The following REDIC1 variants were observed in gnomAD, a reference collection of about 807,000 sequenced individuals.
REDIC1 encodes the protein regulator of DNA class I crossover intermediates 1.
At chr12:39,637,106 T>C in the REDIC1 span, among the ~76,000 whole-genome samples, 1 of 151,846 alleles carries the variant, frequency 6.6e-6, no homozygotes, top group Admixed American at 6.6e-5. Flanking sequence ...CCCTCCCTTC[T>C]CTCCTTTAAC....
the REDIC1 span, among the ~76,000 whole-genome samples, chr12:39,884,442 G>A: frequency 6.6e-6 from 1 of 152,082 alleles, no homozygotes; most frequent in Admixed American, 6.6e-5. Context: ...CTACAAATAA[G>A]TCACAGTAAT....
chr12:39,711,574 C>A, the REDIC1 span, among the ~76,000 whole-genome samples: 2 of 56,498 alleles, frequency 3.5e-5, no homozygotes, highest in South Asian at 9.8e-4. Flanking sequence ...TGTATATGTG[C>A]ATACACATGC....
the REDIC1 span, among the ~76,000 whole-genome samples, chr12:39,745,380 C>T: frequency 1.3e-5 from 2 of 152,112 alleles, no homozygotes; most frequent in Non-Finnish European, 2.9e-5. Context: ...GACTTTGGCA[C>T]CAACTAAGCT....
chr12:39,676,867 G>A, the REDIC1 span, among the ~76,000 whole-genome samples: 1 of 151,932 alleles, frequency 6.6e-6, no homozygotes, highest in Non-Finnish European at 1.5e-5. Flanking sequence ...GCTTCATAAT[G>A]TGAGATAAAG....
the REDIC1 span, among the ~76,000 whole-genome samples, chr12:39,816,583 TA>T: frequency 2.0e-3 from 257 of 129,118 alleles, 2 homozygotes; most frequent in African/African-American, 5.9e-3. Flanking sequence ...TAAAGTATAA[TA>T]AAAAAAAAGA....
the REDIC1 span, among the ~76,000 whole-genome samples, chr12:39,698,454 T>C: frequency 6.6e-6 from 1 of 152,162 alleles, no homozygotes. Flanking sequence ...GAAAGAACAC[T>C]GATGAAAAAC....
the REDIC1 span, among the ~76,000 whole-genome samples, chr12:39,787,090 G>T: frequency 4.1e-3 from 627 of 152,240 alleles, 4 homozygotes; most frequent in African/African-American, 0.014. Flanking sequence ...TGTATCAGGA[G>T]TGACTCAATC....
At chr12:39,725,133 A>G in the REDIC1 span, among the ~76,000 whole-genome samples, 2 of 152,178 alleles carry the variant, frequency 1.3e-5, no homozygotes, top group Non-Finnish European at 2.9e-5. Flanking sequence ...GAAAAAGACT[A>G]CATTCTTAGA....
chr12:39,662,212 G>A, the REDIC1 span, among the ~76,000 whole-genome samples: 1 of 151,934 alleles, frequency 6.6e-6, no homozygotes, highest in Admixed American at 6.6e-5. Flanking sequence ...CATTGACTCT[G>A]TAGATTGCTT....
At chr12:39,819,958 T>A in the REDIC1 span, 2 of 152,296 alleles carry the variant, frequency 1.3e-5, no homozygotes, top group Non-Finnish European at 2.9e-5. Context: ...AAACTCTTTA[T>A]CTTTGCAGGT....
At chr12:39,829,938 A>G in the REDIC1 span, 3 of 875,956 alleles carry the variant, frequency 3.4e-6, no homozygotes, top group African/African-American at 3.4e-5. Flanking sequence ...GAAACACACA[A>G]TTGCAATGCT....
At chr12:39,677,734 C>CAT in the REDIC1 span, among the ~76,000 whole-genome samples, 1 of 152,100 alleles carries the variant, frequency 6.6e-6, no homozygotes, top group Non-Finnish European at 1.5e-5. Context: ...CAAATTATAT[C>CAT]AAGTACTCTC....
At chr12:39,700,850 A>G in the REDIC1 span, among the ~76,000 whole-genome samples, 1 of 152,128 alleles carries the variant, frequency 6.6e-6, no homozygotes, top group African/African-American at 2.4e-5. Context: ...TTCATAAGTG[A>G]AGGAGAAATC....
the REDIC1 span, among the ~76,000 whole-genome samples, chr12:39,713,218 T>A: frequency 2.1e-5 from 3 of 143,964 alleles, no homozygotes; most frequent in East Asian, 6.2e-4. Flanking sequence ...TATATGTTTA[T>A]ATTACACATA....
chr12:39,714,617 T>G, the REDIC1 span, among the ~76,000 whole-genome samples: 2 of 151,912 alleles, frequency 1.3e-5, no homozygotes, highest in Admixed American at 1.3e-4. Flanking sequence ...AGTTCTACTT[T>G]TAGTTCTTTA....
At chr12:39,673,339 C>T in the REDIC1 span, among the ~76,000 whole-genome samples, 1 of 152,114 alleles carries the variant, frequency 6.6e-6, no homozygotes, top group Non-Finnish European at 1.5e-5. Context: ...TCGGTCTGGC[C>T]CCTGTTATTT....
chr12:39,849,172 T>C, the REDIC1 span, among the ~76,000 whole-genome samples: 2 of 151,722 alleles, frequency 1.3e-5, no homozygotes, highest in African/African-American at 2.4e-5. Flanking sequence ...AAACCTAAAA[T>C]AAAGATTTAA....
At chr12:39,782,209 G>A in the REDIC1 span, among the ~76,000 whole-genome samples, 2 of 152,118 alleles carry the variant, frequency 1.3e-5, no homozygotes, top group African/African-American at 4.8e-5. Flanking sequence ...AAACCTTTGT[G>A]TTTACCTTGT....
chr12:39,672,760 C>T, the REDIC1 span, among the ~76,000 whole-genome samples: 11 of 152,118 alleles, frequency 7.2e-5, no homozygotes, highest in Non-Finnish European at 1.2e-4. Context: ...ACTGCAGCAC[C>T]CATCTAGATG....
Sources: gnomAD v4.1 joint callset for allele counts (sites outside exome capture counted in the v4.1 genomes callset) on GRCh38, gnomAD v4.1.1 for gene constraint, MANE v1.5 for transcripts, NCBI Gene and HGNC (gene_info 2026-07-23, HGNC 2026-07-21) for gene names.